Variants in CTNND2 observed in about 807,000 individuals in gnomAD.
The protein encoded by CTNND2 is catenin delta-2.
A neutral mutation model predicts 144.4 loss-of-function variants in CTNND2; 22 were observed. The ratio of observed to expected loss-of-function variants is 0.15; its 90% CI spans 0.11 to 0.22. The LOEUF (loss-of-function observed/expected upper bound fraction) is 0.22. CTNND2 is among the 10% of genes least tolerant of loss of function. The pLI, the probability that CTNND2 is intolerant of heterozygous loss-of-function variation, is 1.00. For synonymous variants in CTNND2, 751 were observed against 695.6 expected (o/e 1.08, Z -1.25); for missense variants, 1,353 against 1,618.8 (o/e 0.84, Z 2.82).
chr5:11,399,384 A>G (rs1048611092), intron 5 of CTNND2, among the ~76,000 whole-genome samples: 1 of 150,874 alleles, frequency 6.6e-6, no homozygotes, highest in African/African-American at 2.5e-5. Flanking sequence ...GTTTAGCATT[A>G]TCTTAGACAG....
chr5:11,145,223 A>G (rs1176249339), intron 12 of CTNND2, among the ~76,000 whole-genome samples: 1 of 152,224 alleles, frequency 6.6e-6, no homozygotes, highest in African/African-American at 2.4e-5. Flanking sequence ...GTGCCGAAGA[A>G]TATTTTAATG....
intron 11 of CTNND2, among the ~76,000 whole-genome samples, chr5:11,190,585 T>A (rs1209029249): frequency 1.1e-4 from 16 of 152,238 alleles, no homozygotes; most frequent in Non-Finnish European, 2.4e-4. Context: ...TCTTCTTTAT[T>A]CTGTTAGAAC....
chr5:11,335,245 TCTC>T (rs1424347777), intron 9 of CTNND2, among the ~76,000 whole-genome samples: 5 of 152,208 alleles, frequency 3.3e-5, no homozygotes, highest in African/African-American at 1.2e-4. Flanking sequence ...ATGCTAATCT[TCTC>T]CTTATCAAGG....
At chr5:11,678,091 C>G (rs1395777453) in intron 2 of CTNND2, among the ~76,000 whole-genome samples, 1 of 152,080 alleles carries the variant, frequency 6.6e-6, no homozygotes, top group East Asian at 1.9e-4. Context: ...AGACAGAACT[C>G]TGACAATAAG....
intron 1 of CTNND2, among the ~76,000 whole-genome samples, chr5:11,823,285 G>C (rs1255844117): frequency 1.3e-5 from 2 of 152,170 alleles, no homozygotes; most frequent in African/African-American, 4.8e-5. Context: ...CACTAATGAT[G>C]CATGCAATTT....
At position 11,578,669 on chromosome 5, in the gene CTNND2, G is replaced by GACTA. The variant is rs1554088051; in HGVS notation, c.175-13614_175-13613insTAGT. Among the ~76,000 whole-genome samples, 489 of 146,102 alleles carry GACTA rather than the reference G, an allele frequency of 3.3e-3. 1 individual carries two copies. Among genetic ancestry groups the GACTA allele is most frequent in the Non-Finnish European group, 5.1e-3 (337 of 66,682 alleles). ...GAGCGAGACTCCATCACAAATACATGAATAAATAAATAAATAAATAAATAA... is the reference window on the plus strand; with the variant it reads ...GAGCGAGACTCCATCACAAATACATGACTAAATAAATAAATAAATAAATAAATAA... On this transcript the variant is annotated intron_variant, in intron 2 of 21. Coordinates refer to ENST00000304623, the MANE Select transcript of CTNND2 (RefSeq NM_001332.4).
At chr5:11,304,425 C>T (rs1291838907) in intron 9 of CTNND2, among the ~76,000 whole-genome samples, 2 of 152,072 alleles carry the variant, frequency 1.3e-5, no homozygotes, top group Non-Finnish European at 2.9e-5. Context: ...CTCTCTCTCC[C>T]CCATGCATAA....
intron 9 of CTNND2, among the ~76,000 whole-genome samples, chr5:11,238,179 C>T (rs950938351): frequency 1.3e-5 from 2 of 152,096 alleles, no homozygotes; most frequent in South Asian, 2.1e-4. Context: ...GCTAACAGGA[C>T]GAACTGTATG....
chr5:11,840,683 A>T (rs553015551), intron 1 of CTNND2, among the ~76,000 whole-genome samples: 3 of 152,188 alleles, frequency 2.0e-5, no homozygotes, highest in Non-Finnish European at 4.4e-5. Flanking sequence ...TGCTGTTTAG[A>T]GTAAAATAAA....
chr5:11,697,507 A>G (rs1379557745), intron 2 of CTNND2, among the ~76,000 whole-genome samples: 2 of 152,250 alleles, frequency 1.3e-5, no homozygotes, highest in Non-Finnish European at 2.9e-5. Flanking sequence ...CAGTAACAGT[A>G]TACTGTATCA....
chr5:11,903,789 GC>G lies in CTNND2; in HGVS notation c.37+27del. 3.4e-6 allele frequency: 5 copies of G among 1,474,382 alleles called. No individual in the cohort carries two copies. The highest frequency in any genetic ancestry group is 4.7e-5 in the Admixed American group (2 of 42,518). 91.3% of individuals were successfully genotyped at this position (1,474,382 alleles called of 1,614,324 possible). On this transcript the variant is annotated intron_variant, in intron 1 of 21. Transcript: ENST00000304623. This position sits in a 1 kb window ranked among gnomAD's most constrained non-coding sequence, Gnocchi z 5.4. ...CGGCGCCGGGAGGAGGCTGCGCCCGGCCCCGGCCGCCCAGCCCCGCAACTCA... is the reference window on the plus strand; with the variant it reads ...CGGCGCCGGGAGGAGGCTGCGCCCGGCCCGGCCGCCCAGCCCCGCAACTCA...
At chr5:11,218,153 A>T (rs1217653706) in intron 10 of CTNND2, among the ~76,000 whole-genome samples, 1 of 151,482 alleles carries the variant, frequency 6.6e-6, no homozygotes, top group Non-Finnish European at 1.5e-5. Flanking sequence ...AATATAAGAT[A>T]GGATTTCTTC....
At chr5:11,240,088 A>T (rs1742056941) in intron 9 of CTNND2, among the ~76,000 whole-genome samples, 1 of 151,874 alleles carries the variant, frequency 6.6e-6, no homozygotes. Context: ...AGCAAGAGTC[A>T]TTCCTAGATT....
chr5:11,053,562 C>T (rs1031123898), intron 16 of CTNND2, among the ~76,000 whole-genome samples: 23 of 152,178 alleles, frequency 1.5e-4, no homozygotes, highest in African/African-American at 2.7e-4. Flanking sequence ...GTATTAAAGA[C>T]GCAGCACTGT....
At chr5:11,654,099 G>T (rs1782792314) in intron 2 of CTNND2, among the ~76,000 whole-genome samples, 1 of 151,872 alleles carries the variant, frequency 6.6e-6, no homozygotes, top group African/African-American at 2.4e-5. Flanking sequence ...ATTAGTCTTT[G>T]TGTCTGTTTT....
At chr5:11,584,424 T>C (rs7445009) in intron 2 of CTNND2, among the ~76,000 whole-genome samples, 1 of 116,888 alleles carries the variant, frequency 8.6e-6, no homozygotes, top group African/African-American at 2.8e-5. Context: ...TATATTTTTT[T>C]TGGGGGGGGG....
intron 9 of CTNND2, among the ~76,000 whole-genome samples, chr5:11,255,879 C>T (rs1744181372): frequency 6.6e-6 from 1 of 152,174 alleles, no homozygotes; most frequent in African/African-American, 2.4e-5. Flanking sequence ...GGCTCTGTTG[C>T]TCCAGGCTGT....
intron 13 of CTNND2, among the ~76,000 whole-genome samples, chr5:11,116,235 AG>A (rs1753528889): frequency 1.3e-5 from 2 of 152,206 alleles, no homozygotes; most frequent in Non-Finnish European, 2.9e-5. Flanking sequence ...GTTCATAACC[AG>A]GGCCAATTTT....
intron 3 of CTNND2, among the ~76,000 whole-genome samples, chr5:11,500,179 G>A (rs905894998): frequency 6.6e-6 from 1 of 152,054 alleles, no homozygotes; most frequent in African/African-American, 2.4e-5. Context: ...CTCTATGCCT[G>A]CATATTATCC....
Sources: allele counts gnomAD v4.1 joint callset (sites outside exome capture counted in the v4.1 genomes callset), GRCh38; gene constraint gnomAD v4.1.1; non-coding constraint Gnocchi (gnomAD v3.1); transcripts MANE v1.5; gene names NCBI Gene and HGNC (gene_info 2026-07-23, HGNC 2026-07-21).